Variants in ANKH observed in about 807,000 individuals in gnomAD.
ANKH encodes ANKH inorganic pyrophosphate transport regulator.
Under a neutral mutation model 49.0 loss-of-function variants are expected in ANKH, and 15 were observed. The ratio of observed to expected loss-of-function variants is 0.31; its 90% CI spans 0.20 to 0.47. The LOEUF (loss-of-function observed/expected upper bound fraction) is 0.47. ANKH is among the 20% of genes least tolerant of loss of function. The pLI is 1.00. For synonymous variants in ANKH, 273 were observed against 260.0 expected, an observed-to-expected ratio of 1.05 and a Z score of -0.48; for missense variants, 429 against 652.0, an observed-to-expected ratio of 0.66 and a Z score of 3.72.
chr5:14,802,691 C>G (rs1301444158), intron 1 of ANKH, among the ~76,000 whole-genome samples: 4 of 152,040 alleles, frequency 2.6e-5, no homozygotes, highest in Non-Finnish European at 5.9e-5. Flanking sequence ...CTTCCCTCCC[C>G]CTCAGCCATC....
In ANKH at chr5:14,725,798, T is replaced by G. The variant is rs1039599930; in HGVS notation, c.1012-8963A>C. Among the ~76,000 whole-genome samples, 1 of 152,134 alleles carries G rather than the reference T, an allele frequency of 6.6e-6. No individual in the cohort carries two copies. The stretch of plus-strand genomic sequence containing the variant: ...GCCTTGCTCTGTTGCCAGGCTGGAG[T>G]GCAGTGGCACGATCTTGGCTCACTG... On this transcript the variant is annotated intron_variant, in intron 8 of 11. Coordinates refer to ENST00000284268, the MANE Select transcript of ANKH (RefSeq NM_054027.6). The surrounding 1 kb of genome is among the most constrained non-coding windows in gnomAD (Gnocchi z 4.0).
intron 2 of ANKH, among the ~76,000 whole-genome samples, chr5:14,762,741 TG>T (rs975775782): frequency 1.2e-4 from 11 of 91,748 alleles, no homozygotes; most frequent in African/African-American, 3.4e-4. Context: ...ATTGGGGGGG[TG>T]GGGGGGTAAT....
At chr5:14,782,910 AG>A (rs1454417920) in intron 1 of ANKH, among the ~76,000 whole-genome samples, 1 of 152,192 alleles carries the variant, frequency 6.6e-6, no homozygotes, top group African/African-American at 2.4e-5. Flanking sequence ...GGCCTACTGA[AG>A]ATGAGGACAA....
chr5:14,715,106 C>A (rs1221713960), intron 9 of ANKH, among the ~76,000 whole-genome samples: 1 of 152,256 alleles, frequency 6.6e-6, no homozygotes, highest in Non-Finnish European at 1.5e-5. Context: ...TCAGCCCTGG[C>A]CTACCTGGGG....
chr5:14,719,691 A>G (rs891228231), intron 8 of ANKH, among the ~76,000 whole-genome samples: 12 of 152,224 alleles, frequency 7.9e-5, no homozygotes, highest in Non-Finnish European at 1.6e-4. Flanking sequence ...ATCAGGGCTC[A>G]GCGTCAGAGT....
At chr5:14,746,176 T>C (rs972983632) in intron 6 of ANKH, among the ~76,000 whole-genome samples, 3 of 151,960 alleles carry the variant, frequency 2.0e-5, no homozygotes, top group African/African-American at 7.3e-5. Context: ...GCCTCATCCC[T>C]GGGAGTGCAA....
chr5:14,752,117 G>T (rs1738739238), intron 4 of ANKH, among the ~76,000 whole-genome samples: 1 of 152,132 alleles, frequency 6.6e-6, no homozygotes, highest in Admixed American at 6.5e-5. Context: ...AGACCAACCT[G>T]GGCAACTTAG....
intron 1 of ANKH, among the ~76,000 whole-genome samples, chr5:14,795,516 C>T (rs1740346176): frequency 6.6e-6 from 1 of 152,146 alleles, no homozygotes; most frequent in African/African-American, 2.4e-5. Context: ...AGCAAACCTT[C>T]ACCCTTTTCA....
At chr5:14,768,856 A>T (rs920269909) in intron 2 of ANKH, 119 bp downstream of exon 2, 1 of 1,165,198 alleles carries the variant, frequency 8.6e-7, no homozygotes, top group South Asian at 1.3e-5. Flanking sequence ...TGAAAATTTC[A>T]TAAGAAACAT....
intron 2 of ANKH, among the ~76,000 whole-genome samples, chr5:14,762,293 G>A (rs1266251617): frequency 6.6e-6 from 1 of 152,190 alleles, no homozygotes; most frequent in East Asian, 1.9e-4. Context: ...TATTTATGGG[G>A]TCTAAGGACT....
At chr5:14,839,778 A>G (rs549090387) in intron 1 of ANKH, among the ~76,000 whole-genome samples, 1 of 152,334 alleles carries the variant, frequency 6.6e-6, no homozygotes, top group African/African-American at 2.4e-5. Flanking sequence ...CACTGTAAAT[A>G]AGATACTTTG....
chr5:14,734,293 T>A (rs1296319032), intron 8 of ANKH, among the ~76,000 whole-genome samples: 1 of 151,388 alleles, frequency 6.6e-6, no homozygotes, highest in Non-Finnish European at 1.5e-5. Context: ...TCGGAATTAG[T>A]TTAGCCCGTG....
At chr5:14,840,956 GT>G (rs1229318903) in intron 1 of ANKH, among the ~76,000 whole-genome samples, 2 of 152,174 alleles carry the variant, frequency 1.3e-5, no homozygotes, top group Non-Finnish European at 2.9e-5. Context: ...ATGCCATTTG[GT>G]TTTTTATAAC....
At chr5:14,834,886 A>G (rs1425589949) in intron 1 of ANKH, among the ~76,000 whole-genome samples, 1 of 152,244 alleles carries the variant, frequency 6.6e-6, no homozygotes, top group Non-Finnish European at 1.5e-5. Context: ...GATTATTTAG[A>G]AGATTCGTGA....
At chr5:14,726,632 G>A (rs780913032) in intron 8 of ANKH, among the ~76,000 whole-genome samples, 4 of 152,188 alleles carry the variant, frequency 2.6e-5, no homozygotes, top group Non-Finnish European at 5.9e-5. Flanking sequence ...GCTGTCCCAT[G>A]AGCTGGATGG....
At chr5:14,864,006 G>A (rs191998610) in intron 1 of ANKH, among the ~76,000 whole-genome samples, 1 of 152,270 alleles carries the variant, frequency 6.6e-6, no homozygotes, top group Non-Finnish European at 1.5e-5. Context: ...CTTAAGCCCA[G>A]GAGTTCGAGA....
chr5:14,815,326 C>T (rs1741002327), intron 1 of ANKH, among the ~76,000 whole-genome samples: 1 of 152,152 alleles, frequency 6.6e-6, no homozygotes, highest in Non-Finnish European at 1.5e-5. Context: ...CCCCAAAACC[C>T]CACTAATTAA....
At chr5:14,837,113 T>G (rs533954921) in intron 1 of ANKH, among the ~76,000 whole-genome samples, 1 of 152,310 alleles carries the variant, frequency 6.6e-6, no homozygotes, top group Admixed American at 6.5e-5. Flanking sequence ...TATACAAAAA[T>G]TAATTCAAGA....
intron 7 of ANKH, among the ~76,000 whole-genome samples, chr5:14,742,996 G>A (rs1231540511): frequency 1.3e-5 from 2 of 152,168 alleles, no homozygotes; most frequent in Non-Finnish European, 1.5e-5. Context: ...ACCTGGCTCC[G>A]CATCCAGCCG....
Sources: gnomAD v4.1 joint callset for allele counts (sites outside exome capture counted in the v4.1 genomes callset) on GRCh38, gnomAD v4.1.1 for gene constraint, Gnocchi (gnomAD v3.1) non-coding constraint, MANE v1.5 for transcripts, NCBI Gene and HGNC (gene_info 2026-07-23, HGNC 2026-07-21) for gene names.